The following PSG8 variants were observed in gnomAD, a reference collection of about 807,000 sequenced individuals.
The protein encoded by PSG8 is pregnancy specific beta-1-glycoprotein 8.
Under a neutral mutation model 42.5 loss-of-function variants are expected in PSG8, and 57 were observed. The observed-to-expected ratio is 1.34, with a 90% CI of 1.08 to 1.67. The LOEUF (loss-of-function observed/expected upper bound fraction) is 1.67. PSG8 is among the 40% of genes most tolerant of loss of function. PSG8 has a pLI of 0.00. For missense variants in PSG8, 783 were observed against 518.6 expected, an observed-to-expected ratio of 1.51 and a Z score of -4.95; for synonymous variants, 280 against 196.8, an observed-to-expected ratio of 1.42 and a Z score of -3.54.
Position 42,764,878 on chromosome 19 carries a change from GT to G in PSG8, c.65-598del, listed in dbSNP as rs200981263. On this transcript the variant is annotated intron_variant, in intron 1 of 4. Transcript: ENST00000306511. ...TCTCAGGGCCCTCCACGCCCTTGGT[GT>G]TTTTTTTTCCCCCCAATTGTTGAGG... Among the ~76,000 whole-genome samples the G allele has an allele frequency of 9.8e-3, 1,487 of 151,504 alleles. 22 individuals carry two copies. Among genetic ancestry groups the G allele is most frequent in the Non-Finnish European group, 0.011 (754 of 67,804 alleles).
chr19:42,755,642 T>A (rs752090126), intron 3 of PSG8: 1 of 323,842 alleles, frequency 3.1e-6, no homozygotes. Flanking sequence ...CCAAATTCCA[T>A]CCTACATTGT....
chr19:42,762,035 G>A (rs2122272691), intron 2 of PSG8, among the ~76,000 whole-genome samples: 1 of 151,950 alleles, frequency 6.6e-6, no homozygotes, highest in East Asian at 1.9e-4. Context: ...CCTGGCAGGA[G>A]TGGCAACTCC....
intron 2 of PSG8, among the ~76,000 whole-genome samples, chr19:42,762,331 C>G (rs562896754): frequency 6.6e-6 from 1 of 151,912 alleles, no homozygotes; most frequent in African/African-American, 2.4e-5. Flanking sequence ...CAGTCCAGGA[C>G]CAAAGAGCCC....
At chr19:42,753,487 G>C (rs1006773212), downstream of PSG8, 16 of 700,028 alleles carry the variant, frequency 2.3e-5, no homozygotes, top group Admixed American at 6.6e-5. Flanking sequence ...GGCATCTCTA[G>C]TTTTACCAAT....
downstream of PSG8, chr19:42,752,980 A>C (rs529478127): frequency 3.7e-5 from 17 of 457,258 alleles, no homozygotes; most frequent in African/African-American, 2.9e-4. Flanking sequence ...CTGACACTCT[A>C]TTGTTACCCT....
intron 3 of PSG8, 37 bp from the exon 4 acceptor site, chr19:42,755,303 C>A: frequency 1.3e-6 from 2 of 1,591,392 alleles, no homozygotes; most frequent in Non-Finnish European, 1.7e-6. Context: ...TCCTGTGTGG[C>A]ACCTTTGATT....
chr19:42,756,758 A>G (rs1261018360), intron 3 of PSG8, among the ~76,000 whole-genome samples: 10 of 152,002 alleles, frequency 6.6e-5, no homozygotes, highest in Non-Finnish European at 1.0e-4. Context: ...TTTCTATGTC[A>G]TCAGAACTTT....
At chr19:42,765,371 C>G (rs1187568378) in intron 1 of PSG8, 147 bp downstream of exon 1, 1 of 1,327,088 alleles carries the variant, frequency 7.5e-7, no homozygotes, top group Non-Finnish European at 1.0e-6. Context: ...CCAGACTGAT[C>G]TTGAACTCCT....
intron 3 of PSG8, chr19:42,755,666 AT>A (rs1166994556): frequency 3.8e-6 from 1 of 263,904 alleles, no homozygotes; most frequent in Non-Finnish European, 7.2e-6. Flanking sequence ...CCTAGATGTG[AT>A]TTCTCTGCAG....
In PSG8 at chr19:42,763,913, C is replaced by G. The variant is rs1488987315; in HGVS notation, c.430+3G>C. On this transcript the variant is annotated splice_donor_region_variant and intron_variant, in intron 2 of 4. Transcript: ENST00000306511. ...CACCCAGGGATCATGTGGAATCACT[C>G]ACGATATAAGGTGAAGGTGAAATGT... is the stretch of plus-strand genomic sequence containing the variant. 2 of 1,613,500 alleles carry G rather than the reference C, an allele frequency of 1.2e-6. No homozygotes were observed. Among genetic ancestry groups the G allele is most frequent in the Non-Finnish European group, 8.5e-7 (1 of 1,179,712 alleles).
At chr19:42,753,523 T>A, downstream of PSG8, 1 of 646,850 alleles carries the variant, frequency 1.5e-6, no homozygotes, top group Non-Finnish European at 2.8e-6. Context: ...ATAAGTTTGT[T>A]TGCAAAATAG....
intron 3 of PSG8, 66 bp from the exon 4 acceptor site, chr19:42,755,332 A>C: frequency 1.3e-6 from 2 of 1,581,900 alleles, no homozygotes; most frequent in Non-Finnish European, 1.7e-6. Flanking sequence ...GGCATCCTTC[A>C]ATCAGAGTTG....
At chr19:42,753,775 G>C (rs1394769853), downstream of PSG8, among the ~76,000 whole-genome samples, 1 of 152,102 alleles carries the variant, frequency 6.6e-6, no homozygotes, top group Non-Finnish European at 1.5e-5. Flanking sequence ...TCAAAGCCTT[G>C]GTAATATAAC....
At chr19:42,761,412 G>A (rs1387002304) in intron 2 of PSG8, among the ~76,000 whole-genome samples, 1 of 152,114 alleles carries the variant, frequency 6.6e-6, no homozygotes. Flanking sequence ...TGACTGCTCC[G>A]ATGTCATTTG....
downstream of PSG8, chr19:42,753,375 G>A: frequency 1.3e-6 from 1 of 780,288 alleles, no homozygotes; most frequent in Non-Finnish European, 2.4e-6. Flanking sequence ...GTAATGTCCA[G>A]TCTACAGGTG....
At chr19:42,761,174 C>G (rs1294911327) in intron 2 of PSG8, among the ~76,000 whole-genome samples, 3 of 152,178 alleles carry the variant, frequency 2.0e-5, no homozygotes, top group Non-Finnish European at 4.4e-5. Flanking sequence ...GGCATCTAGT[C>G]TCAGGCTGGC....
intron 2 of PSG8, 84 bp from the exon 3 acceptor site, chr19:42,758,364 C>T (rs1273456254): frequency 1.9e-6 from 3 of 1,555,428 alleles, no homozygotes; most frequent in Admixed American, 3.7e-5. Context: ...TTGGCATTTC[C>T]CACCTCTCAG....
intron 3 of PSG8, 103 bp downstream of exon 3, chr19:42,757,899 A>T: frequency 6.2e-7 from 1 of 1,611,804 alleles, no homozygotes; most frequent in Non-Finnish European, 8.5e-7. Context: ...GTCCAGGGGT[A>T]AAGGTCTCTG....
At chr19:42,753,983 G>C (rs1237388239), downstream of PSG8, 3 of 660,878 alleles carry the variant, frequency 4.5e-6, no homozygotes, top group Non-Finnish European at 7.9e-6. Context: ...ATAAGCTACA[G>C]ATAGGTTAAA....
Sources: allele counts gnomAD v4.1 joint callset (sites outside exome capture counted in the v4.1 genomes callset), GRCh38; gene constraint gnomAD v4.1.1; transcripts MANE v1.5; gene names NCBI Gene and HGNC (gene_info 2026-07-23, HGNC 2026-07-21).